The following OR3A2 variants were observed in gnomAD, a reference collection of about 807,000 sequenced individuals.
OR3A2 encodes olfactory receptor family 3 subfamily A member 2.
For missense variants in OR3A2, 318 were observed against 392.8 expected (o/e 0.81, Z 1.61); for synonymous variants, 126 against 159.3 (o/e 0.79, Z 1.57).
intron 3 of OR3A2, among the ~76,000 whole-genome samples, chr17:3,293,757 C>G (rs1597323438): frequency 1.3e-5 from 2 of 152,172 alleles, no homozygotes; most frequent in Admixed American, 1.3e-4. Context: ...ACATATACAC[C>G]ACGGAATACT....
Position 3,291,760 on chromosome 17 carries a change from T to TAAA in OR3A2, c.-84-12608_-84-12607insTTT, listed in dbSNP as rs542033083. ...ACAGTGTTGAAAATTCCAACAGCTTTATCCTTGTCTGAAAGCTTGGTTGAA... is the reference window on the plus strand; with the variant it reads ...ACAGTGTTGAAAATTCCAACAGCTTTAAAATCCTTGTCTGAAAGCTTGGTTGAA... On this transcript the variant is annotated intron_variant, in intron 3 of 4. Coordinates refer to the OR3A2 transcript ENST00000573491. 3.2e-4 allele frequency: 513 copies of TAAA among 1,613,888 alleles called. 2 individuals carry two copies. In the South Asian group the frequency reaches 4.9e-3, roughly 15 times the overall value.
intron 2 of OR3A2, among the ~76,000 whole-genome samples, chr17:3,355,790 G>A (rs543765102): frequency 5.3e-5 from 8 of 151,448 alleles, no homozygotes; most frequent in African/African-American, 1.7e-4. Flanking sequence ...CTTTTGGTTG[G>A]AGAGTTTAGT....
rs925321735 is a variant in OR3A2, at chr17:3,335,993, C to G, written c.-85+40G>C. 2.0e-5 allele frequency: 3 copies of G among 152,340 alleles called. No homozygotes were observed. In the South Asian group the frequency reaches 6.2e-4, roughly 32 times the overall value. 9.4% of individuals were successfully genotyped at this position (152,340 alleles called of 1,614,324 possible). On this transcript the variant is annotated intron_variant, in intron 3 of 4. Transcript: ENST00000573491. ...CAACATTTCCACTCTGATTTACTCACGCAACTCCTTTCATAACTGGCAAAT... is the reference window on the plus strand; with the variant it reads ...CAACATTTCCACTCTGATTTACTCAGGCAACTCCTTTCATAACTGGCAAAT...
intron 2 of OR3A2, among the ~76,000 whole-genome samples, chr17:3,382,266 G>T (rs575722629): frequency 2.0e-5 from 3 of 152,314 alleles, no homozygotes; most frequent in African/African-American, 7.2e-5. Flanking sequence ...AGTGCAAACG[G>T]CTCAGCCCTG....
intron 3 of OR3A2, among the ~76,000 whole-genome samples, chr17:3,324,375 C>T (rs183148956): frequency 6.6e-5 from 10 of 152,158 alleles, no homozygotes; most frequent in East Asian, 3.9e-4. Context: ...AGTCATTCTC[C>T]GTCCAGCTTT....
intron 3 of OR3A2, among the ~76,000 whole-genome samples, chr17:3,295,818 T>C (rs144361942): frequency 1.1e-4 from 17 of 151,808 alleles, no homozygotes; most frequent in Non-Finnish European, 2.2e-4. Flanking sequence ...AGTCAGTAAA[T>C]GAGGAAAAGA....
intron 2 of OR3A2, among the ~76,000 whole-genome samples, chr17:3,359,485 C>T (rs940312669): frequency 6.6e-6 from 1 of 151,712 alleles, no homozygotes; most frequent in Non-Finnish European, 1.5e-5. Flanking sequence ...TGAATTCCCT[C>T]AATATTTGCT....
At position 3,283,832 on chromosome 17, in the gene OR3A2, A is replaced by G. The variant is rs562098149; in HGVS notation, c.-7+526T>C. Among the ~76,000 whole-genome samples the G allele has an allele frequency of 2.0e-5, 3 of 150,528 alleles. No individual in the cohort carries two copies. In the South Asian group the frequency reaches 6.4e-4, roughly 32 times the overall value. On this transcript the variant is annotated intron_variant, in intron 1 of 1. Transcript: ENST00000642052. ...CATGGTCAGGGGTAGAAGAACCACTAAACAGCTGTTGCCAACCCTCAGACA... is the reference window on the plus strand; with the variant it reads ...CATGGTCAGGGGTAGAAGAACCACTGAACAGCTGTTGCCAACCCTCAGACA...
intron 2 of OR3A2, among the ~76,000 whole-genome samples, chr17:3,350,291 C>T (rs139967929): frequency 0.15 from 22,679 of 151,064 alleles, 2,266 homozygotes; most frequent in African/African-American, 0.28. Flanking sequence ...GCTAGCAAGA[C>T]TAATAAAGAA....
rs149016247 is a variant in OR3A2 at position 3,336,396 on chromosome 17, C to A, written c.-178-270G>T. ...TTTGCTGATGTGAATGCCAGGAAAACAATAATTTTCATACATATTTTGACA... is the reference window on the plus strand; with the variant it reads ...TTTGCTGATGTGAATGCCAGGAAAAAAATAATTTTCATACATATTTTGACA... On this transcript the variant is annotated intron_variant, in intron 2 of 4. Transcript: ENST00000573491. Among the ~76,000 whole-genome samples the A allele has an allele frequency of 3.8e-3, 577 of 152,172 alleles. 5 individuals carry two copies. The highest frequency in any genetic ancestry group is 0.013 in the African/African-American group (548 of 41,518).
rs1023985286 is a variant in OR3A2 at position 3,301,285 on chromosome 17, T to A, written c.-84-22132A>T. On this transcript the variant is annotated intron_variant, in intron 3 of 4. Coordinates refer to the OR3A2 transcript ENST00000573491. ...TCGCCACACTGTCTTCCACAATGGTTGAACTAGTTTACAGTCCCACCAACA... is the reference window on the plus strand; with the variant it reads ...TCGCCACACTGTCTTCCACAATGGTAGAACTAGTTTACAGTCCCACCAACA... Among the ~76,000 whole-genome samples the A allele has an allele frequency of 4.6e-5, 7 of 152,344 alleles. No homozygotes were observed. The East Asian group carries it at 9.6e-4, about 21-fold the overall frequency.
chr17:3,336,075 G>A (rs1343278778), exon 3 of OR3A2: 1 of 152,292 alleles, frequency 6.6e-6, no homozygotes, highest in Admixed American at 6.5e-5. Context: ...GGAAGTTTCA[G>A]AAACTCTCCT....
chr17:3,378,418 G>A (rs1024556838), intron 2 of OR3A2, among the ~76,000 whole-genome samples: 70 of 152,348 alleles, frequency 4.6e-4, no homozygotes, highest in African/African-American at 1.6e-3. Flanking sequence ...CAGGAGTAGG[G>A]AGAGGCCAGA....
At chr17:3,317,710 T>C (rs1215425270) in intron 3 of OR3A2, among the ~76,000 whole-genome samples, 1 of 152,194 alleles carries the variant, frequency 6.6e-6, no homozygotes, top group Non-Finnish European at 1.5e-5. Context: ...TCAACAAGTA[T>C]AGTGTAGAAC....
intron 2 of OR3A2, among the ~76,000 whole-genome samples, chr17:3,361,873 T>C (rs1312224610): frequency 6.6e-6 from 1 of 151,018 alleles, no homozygotes; most frequent in Admixed American, 6.6e-5. Flanking sequence ...TGGTCTAAAA[T>C]TCTCTTTTTT....
At chr17:3,354,394 C>T (rs1194114629) in intron 2 of OR3A2, among the ~76,000 whole-genome samples, 1 of 151,218 alleles carries the variant, frequency 6.6e-6, no homozygotes, top group Non-Finnish European at 1.5e-5. Context: ...ACACTGTAGC[C>T]TCAACCTAAA....
chr17:3,333,947 C>T (rs1310363799), intron 3 of OR3A2, among the ~76,000 whole-genome samples: 34 of 152,032 alleles, frequency 2.2e-4, no homozygotes, highest in Admixed American at 2.2e-3. Context: ...GGGCAAAGGA[C>T]ATGAACAGAC....
chr17:3,326,161 G>A (rs949530740), intron 3 of OR3A2, among the ~76,000 whole-genome samples: 22 of 152,074 alleles, frequency 1.4e-4, no homozygotes, highest in African/African-American at 5.1e-4. Context: ...TGGTGTATAT[G>A]TACCACATTT....
intron 1 of OR3A2, among the ~76,000 whole-genome samples, chr17:3,282,376 G>A (rs1258989468): frequency 2.0e-5 from 3 of 151,992 alleles, no homozygotes; most frequent in South Asian, 2.1e-4. Context: ...ACTGCACTCC[G>A]GCCTGGGCGA....
Sources: gnomAD v4.1 joint callset for allele counts (sites outside exome capture counted in the v4.1 genomes callset) on GRCh38, gnomAD v4.1.1 for gene constraint, MANE v1.5 for transcripts, NCBI Gene and HGNC (gene_info 2026-07-23, HGNC 2026-07-21) for gene names.